Variants in PRDM11 observed in about 807,000 individuals in gnomAD.
PRDM11 encodes PR domain-containing protein 11.
In PRDM11, 20 loss-of-function variants were observed where a neutral mutation model predicts 97.8. That is an observed-to-expected ratio of 0.20 (90% CI 0.14 to 0.30). The LOEUF is 0.30. PRDM11 is among the 10% of genes least tolerant of loss of function. The pLI, the probability that PRDM11 is intolerant of heterozygous loss-of-function variation, is 1.00. For missense variants in PRDM11, 1,139 were observed against 1,555.2 expected (o/e 0.73, Z 4.50); for synonymous variants, 599 against 637.7 (o/e 0.94, Z 0.91).
At chr11:45,108,166 C>T (rs1187767563) in intron 1 of PRDM11, among the ~76,000 whole-genome samples, 2 of 152,146 alleles carry the variant, frequency 1.3e-5, no homozygotes, top group African/African-American at 4.8e-5. Flanking sequence ...GACCCATGCA[C>T]GTGGCTCATT....
intron 4 of PRDM11, among the ~76,000 whole-genome samples, chr11:45,194,599 T>TTTC (rs1554971913): frequency 8.0e-6 from 1 of 124,492 alleles, no homozygotes; most frequent in Admixed American, 7.6e-5. Context: ...TCTGTTTTTT[T>TTTC]TTTTTTTTTT....
At position 45,219,286 on chromosome 11, in the gene PRDM11, G is replaced by T. The variant is rs1374517793; in HGVS notation, c.555-284G>T. Reference sequence around the variant, plus strand: ...TATTTAGTTGATATATTTTCCATATGGTGTGAGGCAGGCAGGGCAGGTGTC... The same window carrying T: ...TATTTAGTTGATATATTTTCCATATTGTGTGAGGCAGGCAGGGCAGGTGTC... On this transcript the variant is annotated intron_variant, in intron 5 of 7. Coordinates refer to ENST00000683152, the MANE Select transcript of PRDM11 (RefSeq NM_001384648.1). This position sits in a 1 kb window ranked among gnomAD's most constrained non-coding sequence, Gnocchi z 4.2. Among the ~76,000 whole-genome samples, 1 of 152,148 alleles carries T rather than the reference G, an allele frequency of 6.6e-6. No homozygotes were observed. The highest frequency in any genetic ancestry group is 2.4e-5 in the African/African-American group (1 of 41,428).
In PRDM11 at chr11:45,169,002, A is replaced by C. The variant is rs1205300163; in HGVS notation, c.-6-12759A>C. ...GCCAGGTTGGCCTCAGGGAACTGTT[A>C]GGACTTCAGGGCCCTCTTCCACAGG... On this transcript the variant is annotated intron_variant, in intron 1 of 7. Transcript: ENST00000683152. Among the ~76,000 whole-genome samples the C allele has an allele frequency of 2.6e-5, 4 of 152,168 alleles. No individual in the cohort carries two copies. In the South Asian group the frequency reaches 6.2e-4, roughly 24 times the overall value.
chr11:45,167,930 C>T (rs1386802777), intron 1 of PRDM11, among the ~76,000 whole-genome samples: 4 of 152,164 alleles, frequency 2.6e-5, no homozygotes, highest in Non-Finnish European at 5.9e-5. Flanking sequence ...TAGACTAGTG[C>T]ATCTCCAACT....
intron 1 of PRDM11, among the ~76,000 whole-genome samples, chr11:45,119,996 G>A (rs1002098754): frequency 2.0e-5 from 3 of 152,128 alleles, no homozygotes; most frequent in African/African-American, 4.8e-5. Flanking sequence ...GAAAAGATGC[G>A]CAAGATGGAT....
chr11:45,098,125 A>G (rs1051530967), intron 1 of PRDM11, among the ~76,000 whole-genome samples: 4 of 152,226 alleles, frequency 2.6e-5, no homozygotes, highest in Admixed American at 2.6e-4. Flanking sequence ...GAACCCACCC[A>G]GGCCTCAGAG....
chr11:45,127,568 G>C (rs1235570616), intron 1 of PRDM11, among the ~76,000 whole-genome samples: 2 of 152,346 alleles, frequency 1.3e-5, no homozygotes, highest in East Asian at 3.9e-4. Flanking sequence ...AGGACCCTCA[G>C]CTGCAGGTCT....
intron 1 of PRDM11, chr11:45,096,009 T>C (rs1249209132): frequency 7.1e-6 from 5 of 706,058 alleles, no homozygotes; most frequent in African/African-American, 1.8e-5. Context: ...CCCCTGCTTG[T>C]TGTCATCTTC....
Position 45,219,283 on chromosome 11 carries a change from T to C in PRDM11, c.555-287T>C, listed in dbSNP as rs1854042455. ...TAATATTTAGTTGATATATTTTCCA[T>C]ATGGTGTGAGGCAGGCAGGGCAGGT... On this transcript the variant is annotated intron_variant, in intron 5 of 7. Coordinates refer to ENST00000683152, the MANE Select transcript of PRDM11 (RefSeq NM_001384648.1). This position sits in a 1 kb window ranked among gnomAD's most constrained non-coding sequence, Gnocchi z 4.2. Among the ~76,000 whole-genome samples the C allele has an allele frequency of 6.6e-6, 1 of 152,160 alleles. No homozygotes were observed. Among genetic ancestry groups the C allele is most frequent in the Non-Finnish European group, 1.5e-5 (1 of 68,032 alleles).
intron 1 of PRDM11, among the ~76,000 whole-genome samples, chr11:45,168,382 A>C (rs975405196): frequency 1.4e-4 from 21 of 152,276 alleles, no homozygotes; most frequent in African/African-American, 5.1e-4. Context: ...CAGGTCCTAC[A>C]TCCCCAAATA....
intron 4 of PRDM11, among the ~76,000 whole-genome samples, chr11:45,199,337 A>G (rs1853243502): frequency 6.6e-6 from 1 of 152,178 alleles, no homozygotes; most frequent in South Asian, 2.1e-4. Flanking sequence ...GTCCTATCTT[A>G]GGACTCTTCT....
intron 1 of PRDM11, among the ~76,000 whole-genome samples, chr11:45,168,208 G>A (rs1432147022): frequency 6.6e-6 from 1 of 152,200 alleles, no homozygotes; most frequent in African/African-American, 2.4e-5. Flanking sequence ...GAGAAGTAAA[G>A]GTTGATGGGG....
intron 7 of PRDM11, among the ~76,000 whole-genome samples, chr11:45,225,574 A>G (rs1014112859): frequency 6.6e-6 from 1 of 152,234 alleles, no homozygotes; most frequent in African/African-American, 2.4e-5. Context: ...GGCCATATCC[A>G]AGATGCCTTT....
At chr11:45,110,158 A>G (rs569103341) in intron 1 of PRDM11, among the ~76,000 whole-genome samples, 22 of 152,336 alleles carry the variant, frequency 1.4e-4, no homozygotes, top group South Asian at 4.1e-4. Context: ...ACCTTTGGCA[A>G]TGCTAAGCTT....
chr11:45,212,372 G>GAAAACTCAAACT (rs1853777097), intron 5 of PRDM11: 1 of 345,688 alleles, frequency 2.9e-6, no homozygotes, highest in Non-Finnish European at 5.8e-6. Context: ...CAGGGCAGGG[G>GAAAACTCAAACT]GATACTCAGG....
chr11:45,123,663 A>G lies in PRDM11; in HGVS notation c.96+27762A>G, dbSNP rs1354308738. Among the ~76,000 whole-genome samples the G allele has an allele frequency of 6.3e-3, 944 of 150,478 alleles. 11 individuals are homozygous for G. The highest frequency in any genetic ancestry group is 0.022 in the African/African-American group (896 of 41,362). The stretch of plus-strand genomic sequence containing the variant: ...AAAGATCAGATAGTTGTAGATATGC[A>G]GCATTATTTCTGAGGGCTCTGTTCT... On this transcript the variant is annotated intron_variant, in intron 1 of 6. Coordinates refer to the PRDM11 transcript ENST00000530656.
intron 4 of PRDM11, among the ~76,000 whole-genome samples, chr11:45,197,566 G>A (rs1203962599): frequency 6.6e-6 from 1 of 152,126 alleles, no homozygotes; most frequent in Non-Finnish European, 1.5e-5. Context: ...TTATATCATA[G>A]TTTGTGGCGA....
Position 45,140,604 on chromosome 11 carries a change from T to C in PRDM11, c.97-41157T>C, listed in dbSNP as rs375309768. On this transcript the variant is annotated intron_variant, in intron 1 of 6. Coordinates refer to the PRDM11 transcript ENST00000530656. The stretch of plus-strand genomic sequence containing the variant: ...TCACCACTTGCAGTGGCAGCCCTTT[T>C]TGTTGGGTGGCTCCATTGTTTCGGC... 5.3e-5 allele frequency among the ~76,000 whole-genome samples: 8 copies of C among 152,280 alleles called. No individual in the cohort carries two copies. In the South Asian group the frequency reaches 8.3e-4, roughly 16 times the overall value.
chr11:45,152,063 C>G (rs538345294), intron 1 of PRDM11, among the ~76,000 whole-genome samples: 125 of 152,182 alleles, frequency 8.2e-4, no homozygotes, highest in African/African-American at 2.9e-3. Flanking sequence ...TTCTCATGGG[C>G]ACATTTATTT....
Sources: allele counts gnomAD v4.1 joint callset (sites outside exome capture counted in the v4.1 genomes callset), GRCh38; gene constraint gnomAD v4.1.1; non-coding constraint Gnocchi (gnomAD v3.1); transcripts MANE v1.5; gene names NCBI Gene and HGNC (gene_info 2026-07-23, HGNC 2026-07-21).